TIAM1: variants seen among roughly 807,000 people sequenced by gnomAD.
TIAM1 encodes the protein rho guanine nucleotide exchange factor TIAM1.
A neutral mutation model predicts 163.5 loss-of-function variants in TIAM1; 65 were observed. The ratio of observed to expected loss-of-function variants is 0.40; its 90% CI spans 0.33 to 0.49. The LOEUF (loss-of-function observed/expected upper bound fraction) is 0.49. Among genes scored for constraint, TIAM1 ranks in the 20% least tolerant of loss-of-function variants. The pLI is 0.77. For synonymous variants in TIAM1, 833 were observed against 810.1 expected, an observed-to-expected ratio of 1.03 and a Z score of -0.48; for missense variants, 1,789 against 2,044.7, an observed-to-expected ratio of 0.87 and a Z score of 2.41.
At chr21:31,456,391 G>A (rs556222597) in intron 2 of TIAM1, among the ~76,000 whole-genome samples, 20 of 152,172 alleles carry the variant, frequency 1.3e-4, no homozygotes, top group East Asian at 1.2e-3. Context: ...CCTCCCTGCC[G>A]CCCTGGCAAG....
In TIAM1 at chr21:31,200,693, CT is replaced by C. The variant is rs1353249292; in HGVS notation, c.2493+2214del. On this transcript the variant is annotated intron_variant, in intron 12 of 27. Coordinates refer to ENST00000541036, the MANE Select transcript of TIAM1 (RefSeq NM_001353694.2). ...ATAATTCAAAAAATATTTTTGAGAACTATTTCAATATATTTAGGGCACAGGT... is the reference window on the plus strand; with the variant it reads ...ATAATTCAAAAAATATTTTTGAGAACATTTCAATATATTTAGGGCACAGGT... 2.4e-4 allele frequency among the ~76,000 whole-genome samples: 35 copies of C among 144,648 alleles called. No individual in the cohort carries two copies. The Admixed American group carries it at 2.5e-3, about 10-fold the overall frequency. The allele number at this position is 144,648 out of a possible 152,430, so 94.9% of individuals were successfully genotyped here.
At chr21:31,438,484 AC>A (rs2044299748) in intron 2 of TIAM1, among the ~76,000 whole-genome samples, 1 of 151,932 alleles carries the variant, frequency 6.6e-6, no homozygotes, top group South Asian at 2.1e-4. Context: ...GAGCCACTGC[AC>A]CCAGCATATT....
chr21:31,173,000 T>A (rs2084588724), intron 15 of TIAM1, among the ~76,000 whole-genome samples: 1 of 152,156 alleles, frequency 6.6e-6, no homozygotes, highest in African/African-American at 2.4e-5. Flanking sequence ...ACGTTTGCAA[T>A]CAGTACCTCT....
Position 31,210,679 on chromosome 21 carries a change from GAAAGAAAA to G in TIAM1, c.2218-472_2218-465del, listed in dbSNP as rs1569033153. Among the ~76,000 whole-genome samples, 39 of 70,448 alleles carry G rather than the reference GAAAGAAAA, an allele frequency of 5.5e-4. 8 individuals carry two copies. The highest frequency in any genetic ancestry group is 2.7e-3 in the African/African-American group (36 of 13,370). The allele number at this position is 70,448 out of a possible 152,430, so 46.2% of individuals were successfully genotyped here. A position where few individuals can be genotyped will look rare whatever the true frequency, so the allele number is the denominator to read the frequency against. On this transcript the variant is annotated intron_variant, in intron 10 of 27. Transcript: ENST00000541036. ...AAAGAAAGAAAGAAAAAGAAAGAAA[GAAAGAAAA>G]AGAAAGAAAGAAAGAAAGAGAAAGA...
At chr21:31,385,884 A>AATATAATTAATTAGTTT (rs58893902) in intron 2 of TIAM1, among the ~76,000 whole-genome samples, 10 of 145,544 alleles carry the variant, frequency 6.9e-5, no homozygotes, top group African/African-American at 2.3e-4. Context: ...TATATTAGTT[A>AATATAATTAATTAGTTT]ATATAATTAT....
At position 31,119,470 on chromosome 21, in the gene TIAM1, TA is replaced by T. The variant is rs11445773; in HGVS notation, c.*897del. On this transcript the variant is annotated 3_prime_UTR_variant, in exon 28 of 28. Coordinates refer to ENST00000541036, the MANE Select transcript of TIAM1 (RefSeq NM_001353694.2). ...CCATCTCAAATATAGATTCAAACAT[TA>T]AAAAAAAAAAATCCGCTTTTTGGAA... is the stretch of plus-strand genomic sequence containing the variant. 621 of 148,772 alleles carry T rather than the reference TA, an allele frequency of 4.2e-3. 4 individuals carry two copies. The highest frequency in any genetic ancestry group is 0.013 in the African/African-American group (534 of 40,446). 9.2% of individuals were successfully genotyped at this position (148,772 alleles called of 1,614,324 possible).
At chr21:31,210,653 GAAA>G (rs1569032474) in intron 10 of TIAM1, among the ~76,000 whole-genome samples, 7 of 25,290 alleles carry the variant, frequency 2.8e-4, no homozygotes, top group East Asian at 8.2e-4. Flanking sequence ...AAGAAAGAAA[GAAA>G]GAAAGAAAGA....
chr21:31,538,408 T>C (rs1184966103), intron 1 of TIAM1, among the ~76,000 whole-genome samples: 2 of 152,166 alleles, frequency 1.3e-5, no homozygotes, highest in Non-Finnish European at 2.9e-5. Context: ...CCGGGTGTCA[T>C]GGCATGCGCC....
intron 6 of TIAM1, among the ~76,000 whole-genome samples, chr21:31,227,564 A>C (rs1360582702): frequency 1.3e-5 from 2 of 152,176 alleles, no homozygotes; most frequent in Non-Finnish European, 2.9e-5. Context: ...TGATAAAGCA[A>C]ATGGAATCAC....
chr21:31,412,448 G>C (rs781070389), intron 2 of TIAM1, among the ~76,000 whole-genome samples: 3 of 152,028 alleles, frequency 2.0e-5, no homozygotes, highest in Non-Finnish European at 4.4e-5. Context: ...GTTTCGGGAT[G>C]AAACTGCTCC....
chr21:31,290,303 A>T (rs987308047), intron 2 of TIAM1, among the ~76,000 whole-genome samples: 1 of 152,042 alleles, frequency 6.6e-6, no homozygotes, highest in Non-Finnish European at 1.5e-5. Flanking sequence ...ACCAAAAAAA[A>T]ATCAGGAAAG....
chr21:31,127,412 CTTTTT>C (rs199978005), intron 25 of TIAM1, among the ~76,000 whole-genome samples: 1 of 140,734 alleles, frequency 7.1e-6, no homozygotes, highest in East Asian at 2.1e-4. Context: ...ATGGACCGAA[CTTTTT>C]TTTTTTTTTT....
chr21:31,482,926 T>C (rs1056049865), intron 1 of TIAM1, among the ~76,000 whole-genome samples: 17 of 152,186 alleles, frequency 1.1e-4, no homozygotes, highest in African/African-American at 3.9e-4. Context: ...ACTGTGTATA[T>C]ATAATCATGG....
intron 3 of TIAM1, among the ~76,000 whole-genome samples, chr21:31,274,214 C>CAA (rs11398409): frequency 6.8e-6 from 1 of 146,196 alleles, no homozygotes; most frequent in Non-Finnish European, 1.5e-5. Context: ...GACTCCTTCT[C>CAA]AAAAAAAAAA....
At chr21:31,556,333 T>C (rs1175285991) in intron 1 of TIAM1, among the ~76,000 whole-genome samples, 1 of 152,094 alleles carries the variant, frequency 6.6e-6, no homozygotes, top group Non-Finnish European at 1.5e-5. Context: ...CCACTCGGGG[T>C]AACTGAGGCA....
intron 1 of TIAM1, among the ~76,000 whole-genome samples, chr21:31,519,177 T>C (rs2047483198): frequency 6.6e-6 from 1 of 152,026 alleles, no homozygotes; most frequent in South Asian, 2.1e-4. Context: ...TAGTGGTACA[T>C]GCCTGTAATC....
intron 3 of TIAM1, among the ~76,000 whole-genome samples, chr21:31,269,046 T>A (rs2072927651): frequency 6.6e-6 from 1 of 152,198 alleles, no homozygotes; most frequent in African/African-American, 2.4e-5. Flanking sequence ...AACTGTCGCC[T>A]CAAATATGCT....
rs1354269279 is a variant in TIAM1 at position 31,118,688 on chromosome 21, GGAGAT to G, written c.*1675_*1679del. 1 of 469,086 alleles carries G rather than the reference GGAGAT, an allele frequency of 2.1e-6. No homozygotes were observed. Among genetic ancestry groups the G allele is most frequent in the African/African-American group, 2.0e-5 (1 of 49,888 alleles). 29.1% of individuals were successfully genotyped at this position (469,086 alleles called of 1,614,324 possible). On this transcript the variant is annotated 3_prime_UTR_variant, in exon 28 of 28. Coordinates refer to ENST00000541036, the MANE Select transcript of TIAM1 (RefSeq NM_001353694.2). ...TTTTCCATCTGGACGCGATCGAACCGGAGATGATATGGAAAAATGCAGTGATACAA... is the reference window on the plus strand; with the variant it reads ...TTTTCCATCTGGACGCGATCGAACCGGATATGGAAAAATGCAGTGATACAA...
intron 2 of TIAM1, among the ~76,000 whole-genome samples, chr21:31,380,800 A>G (rs1393095027): frequency 6.6e-6 from 1 of 152,196 alleles, no homozygotes; most frequent in Admixed American, 6.5e-5. Flanking sequence ...ATGTTCATAA[A>G]GCAGTTTATA....
Sources: gnomAD v4.1 joint callset for allele counts (sites outside exome capture counted in the v4.1 genomes callset) on GRCh38, gnomAD v4.1.1 for gene constraint, MANE v1.5 for transcripts, NCBI Gene and HGNC (gene_info 2026-07-23, HGNC 2026-07-21) for gene names.